ZNF398: variants seen among roughly 807,000 people sequenced by gnomAD.
ZNF398 encodes the protein zinc finger protein 398.
In ZNF398, 18 loss-of-function variants were observed where a neutral mutation model predicts 41.9. The observed-to-expected ratio is 0.43, with a 90% CI of 0.30 to 0.64. ZNF398 has a LOEUF of 0.64. Ranked by LOEUF, ZNF398 falls within the 30% of genes least tolerant of loss-of-function variation. The pLI is 0.14. For missense variants in ZNF398, 669 were observed against 822.8 expected (o/e 0.81, Z 2.29); for synonymous variants, 260 against 308.8 (o/e 0.84, Z 1.66).
chr7:149,147,229 G>T, upstream of ZNF398: 1 of 152,300 alleles, frequency 6.6e-6, no homozygotes, highest in Non-Finnish European at 1.5e-5. This position sits in a 1 kb window ranked among gnomAD's most constrained non-coding sequence, Gnocchi z 5.6. Context: ...TTTGCGGCTG[G>T]GTCCTAAACT....
chr7:149,140,693 C>G (rs1826804584), intron 2 of ZNF398, among the ~76,000 whole-genome samples: 1 of 151,886 alleles, frequency 6.6e-6, no homozygotes, highest in Admixed American at 6.6e-5. Flanking sequence ...CCATAAAACA[C>G]CCTTTAGAAA....
intron 2 of ZNF398, among the ~76,000 whole-genome samples, chr7:149,133,434 C>A (rs1219194527): frequency 6.7e-6 from 1 of 150,134 alleles, no homozygotes; most frequent in Non-Finnish European, 1.5e-5. Flanking sequence ...TCTTTATGAC[C>A]TGTATGTTGT....
chr7:149,153,153 C>T lies in ZNF398; in HGVS notation c.25-792C>T, dbSNP rs143151055. On this transcript the variant is annotated intron_variant, in intron 1 of 5. Coordinates refer to ENST00000475153, the MANE Select transcript of ZNF398 (RefSeq NM_170686.3). Reference sequence around the variant, plus strand: ...GGATTACAGGCATGAGCCACCGCACCGGCAAGAATTTCTTTTTTTGAATAG... The same window carrying T: ...GGATTACAGGCATGAGCCACCGCACTGGCAAGAATTTCTTTTTTTGAATAG... Among the ~76,000 whole-genome samples the T allele has an allele frequency of 7.3e-3, 1,114 of 152,208 alleles. 9 individuals carry two copies. Among genetic ancestry groups the T allele is most frequent in the African/African-American group, 0.01 (436 of 41,552 alleles).
intron 4 of ZNF398, among the ~76,000 whole-genome samples, chr7:149,173,162 T>C (rs1311250908): frequency 7.3e-6 from 1 of 137,238 alleles, no homozygotes; most frequent in Non-Finnish European, 1.5e-5. Flanking sequence ...TGGGGTGCAG[T>C]GGCACGATCT....
chr7:149,178,881 C>T lies in ZNF398; in HGVS notation c.1009C>T (p.Pro337Ser), dbSNP rs1239562203. ...TQLGSYPLPP[P>S]VGEQVFSCHH... ...GTTGGGTAGCTATCCCCTCCCACCT[C>T]CAGTTGGCGAGCAGGTGTTCTCATG... The change falls in exon 6 of 6, where the codon CCA becomes TCA. Residue 337 changes from proline to serine, a missense_variant. Physicochemically the swap from Pro to Ser is moderately conservative, Grantham distance 74. Coordinates refer to ENST00000475153, the MANE Select transcript of ZNF398 (RefSeq NM_170686.3). The T allele has an allele frequency of 1.5e-5, 24 of 1,614,002 alleles. No homozygotes were observed. Among genetic ancestry groups the T allele is most frequent in the Non-Finnish European group, 1.9e-5 (22 of 1,179,988 alleles).
chr7:149,151,689 A>T (rs545025647), intron 1 of ZNF398, among the ~76,000 whole-genome samples: 25 of 150,366 alleles, frequency 1.7e-4, no homozygotes, highest in Non-Finnish European at 2.4e-4. Flanking sequence ...ATAAAAAAAT[A>T]AAAAAAAAAT....
At chr7:149,146,767 T>TTG (rs1294850021), upstream of ZNF398, among the ~76,000 whole-genome samples, 1 of 151,668 alleles carries the variant, frequency 6.6e-6, no homozygotes, top group Non-Finnish European at 1.5e-5. Context: ...GGAGAATCGG[T>TTG]TGAACCCGGA....
rs576889461 is a variant in ZNF398 at position 149,155,419 on chromosome 7, C to A, written c.420+1079C>A. Among the ~76,000 whole-genome samples the A allele has an allele frequency of 2.0e-5, 3 of 152,086 alleles. No individual in the cohort carries two copies. In the South Asian group the frequency reaches 6.2e-4, roughly 32 times the overall value. On this transcript the variant is annotated intron_variant, in intron 2 of 5. Transcript: ENST00000475153. ...TGGGCAACAGAGTGAGACTCCGTCT[C>A]CAACAACGACAAAAAAGAAGAATCA...
intron 4 of ZNF398, among the ~76,000 whole-genome samples, chr7:149,175,288 ACT>A (rs1294159350): frequency 3.3e-5 from 5 of 151,284 alleles, no homozygotes; most frequent in Admixed American, 2.0e-4. Context: ...GCTTCAGGGG[ACT>A]CTCTGGAGCT....
At chr7:149,169,156 C>G (rs1286687369) in intron 4 of ZNF398, among the ~76,000 whole-genome samples, 1 of 152,178 alleles carries the variant, frequency 6.6e-6, no homozygotes, top group Non-Finnish European at 1.5e-5. Flanking sequence ...TTGCTGTTAT[C>G]TTGTCAGTTT....
chr7:149,165,410 G>T (rs1193119309), intron 2 of ZNF398, among the ~76,000 whole-genome samples: 2 of 152,198 alleles, frequency 1.3e-5, no homozygotes, highest in African/African-American at 4.8e-5. Context: ...GTGAGCTGCA[G>T]TTGCCCAGAA....
intron 5 of ZNF398, 30 bp from the exon 6 acceptor site, chr7:149,178,618 T>G (rs1250823548): frequency 6.4e-7 from 1 of 1,569,126 alleles, no homozygotes; most frequent in East Asian, 2.2e-5. Flanking sequence ...CAGTTATTGA[T>G]GGGTATAACT....
At chr7:149,149,926 C>T (rs1298704315) in intron 1 of ZNF398, among the ~76,000 whole-genome samples, 1 of 152,130 alleles carries the variant, frequency 6.6e-6, no homozygotes, top group African/African-American at 2.4e-5. Flanking sequence ...AACCACATTT[C>T]AGGTGCTCAG....
chr7:149,152,750 AGATGGGATTTCTCCAC>A (rs1169654167), intron 1 of ZNF398, among the ~76,000 whole-genome samples: 16 of 151,620 alleles, frequency 1.1e-4, no homozygotes, highest in African/African-American at 3.6e-4. Flanking sequence ...TCTTTAGTAG[AGATGGGATTTCTCCAC>A]GTTGGTCAGG....
In ZNF398 at chr7:149,182,260, G is replaced by A. The variant is rs1332582162; in HGVS notation, c.*2459G>A. ...AGAGCCCTCAGATGGAACGAAAGGC[G>A]ATGTGCAAGGCCATCCCAGAGAGAC... On this transcript the variant is annotated 3_prime_UTR_variant, in exon 6 of 6. Transcript: ENST00000475153. 2 of 152,188 alleles carry A rather than the reference G, an allele frequency of 1.3e-5. No homozygotes were observed. Among genetic ancestry groups the A allele is most frequent in the Non-Finnish European group, 2.9e-5 (2 of 68,044 alleles). 9.4% of individuals were successfully genotyped at this position (152,188 alleles called of 1,614,324 possible).
rs1039131428 is a variant in ZNF398 at position 149,158,106 on chromosome 7, C to A, written c.420+3766C>A. Among the ~76,000 whole-genome samples, 8 of 151,666 alleles carry A rather than the reference C, an allele frequency of 5.3e-5. No individual in the cohort carries two copies. In the East Asian group the frequency reaches 5.8e-4, roughly 11 times the overall value. On this transcript the variant is annotated intron_variant, in intron 2 of 5. Coordinates refer to ENST00000475153, the MANE Select transcript of ZNF398 (RefSeq NM_170686.3). The stretch of plus-strand genomic sequence containing the variant: ...CCAAAAAACGAATAAAAATAAAAAT[C>A]AAAAAGAAGGAAAGGCTGATGAGGT...
At position 149,151,323 on chromosome 7, in the gene ZNF398, C is replaced by T. The variant is rs759333974; in HGVS notation, c.25-2622C>T. 17 of 1,099,100 alleles carry T rather than the reference C, an allele frequency of 1.5e-5. No homozygotes were observed. The South Asian group carries it at 2.8e-4, about 18-fold the overall frequency. 68.1% of individuals were successfully genotyped at this position (1,099,100 alleles called of 1,614,324 possible). A position where few individuals can be genotyped will look rare whatever the true frequency, so the allele number is the denominator to read the frequency against. On this transcript the variant is annotated intron_variant, in intron 1 of 5. Coordinates refer to ENST00000475153, the MANE Select transcript of ZNF398 (RefSeq NM_170686.3). ...ATGAGAGAAGGGGAGTTGGAAGTGA[C>T]TGATGTGATCAATTAGAGAAAAAAA...
chr7:149,141,603 C>T (rs1487867107), intron 2 of ZNF398, among the ~76,000 whole-genome samples: 2 of 151,926 alleles, frequency 1.3e-5, no homozygotes, highest in South Asian at 2.1e-4. Flanking sequence ...TACAGGCGCC[C>T]GCCACCACGC....
intron 2 of ZNF398, among the ~76,000 whole-genome samples, chr7:149,129,453 C>T (rs1484925224): frequency 6.6e-6 from 1 of 152,130 alleles, no homozygotes; most frequent in Non-Finnish European, 1.5e-5. Flanking sequence ...GATCTTGGCT[C>T]ACTGCAACCT....
Sources: allele counts gnomAD v4.1 joint callset (sites outside exome capture counted in the v4.1 genomes callset), GRCh38; gene constraint gnomAD v4.1.1; non-coding constraint Gnocchi (gnomAD v3.1); transcripts MANE v1.5; gene names NCBI Gene and HGNC (gene_info 2026-07-23, HGNC 2026-07-21).